The following PRICKLE2 variants were observed in gnomAD, a reference collection of about 807,000 sequenced individuals.
The protein encoded by PRICKLE2 is prickle-like protein 2.
A neutral mutation model predicts 81.4 loss-of-function variants in PRICKLE2; 21 were observed. The ratio of observed to expected loss-of-function variants is 0.26; its 90% confidence interval spans 0.18 to 0.37. The LOEUF is 0.37. PRICKLE2 is among the 10% of genes least tolerant of loss of function. PRICKLE2 has a pLI of 1.00. For missense variants in PRICKLE2, 940 were observed against 1,109.0 expected, an observed-to-expected ratio of 0.85 and a Z score of 2.16; for synonymous variants, 456 against 421.5, an observed-to-expected ratio of 1.08 and a Z score of -1.00.
At chr3:64,108,131 T>C (rs545557956) in intron 7 of PRICKLE2, among the ~76,000 whole-genome samples, 3 of 152,358 alleles carry the variant, frequency 2.0e-5, no homozygotes, top group Admixed American at 6.5e-5. Flanking sequence ...TTTCCAGATT[T>C]GGGGAGTTGT....
chr3:64,231,821 G>A (rs1004493874), intron 2 of PRICKLE2, among the ~76,000 whole-genome samples: 4 of 152,122 alleles, frequency 2.6e-5, no homozygotes, highest in South Asian at 2.1e-4. Context: ...AGATGAAGAT[G>A]CAGAGGTCCA....
At position 64,153,084 on chromosome 3, in the gene PRICKLE2, G is replaced by T. The variant is rs1472207704; in HGVS notation, c.787+98C>A. 6 of 1,141,482 alleles carry T rather than the reference G, an allele frequency of 5.3e-6. No homozygotes were observed. The African/African-American group carries it at 9.1e-5, about 17-fold the overall frequency. 70.7% of individuals were successfully genotyped at this position (1,141,482 alleles called of 1,614,324 possible). On this transcript the variant is annotated intron_variant, in intron 6 of 7. Transcript: ENST00000638394. ...TTTTCAGTTAAGTTAGCATGAGTTG[G>T]GTTTCTAACACTTGCAATCAAAGAT...
chr3:64,155,799 T>C (rs751715976), intron 5 of PRICKLE2, among the ~76,000 whole-genome samples: 5 of 152,192 alleles, frequency 3.3e-5, no homozygotes, highest in African/African-American at 7.2e-5. Context: ...ATTTCACTTA[T>C]ATGAAATGTC....
intron 7 of PRICKLE2, among the ~76,000 whole-genome samples, chr3:64,117,988 C>G (rs2076963885): frequency 6.6e-6 from 1 of 152,102 alleles, no homozygotes; most frequent in South Asian, 2.1e-4. Context: ...CAGGATGGTA[C>G]TGGTAGAAAA....
rs959303876 is a variant in PRICKLE2, at chr3:64,099,042, C to T, written c.*9G>A. On this transcript the variant is annotated 3_prime_UTR_variant, in exon 8 of 8. Coordinates refer to ENST00000638394, the MANE Select transcript of PRICKLE2 (RefSeq NM_198859.4). This position sits in a 1 kb window ranked among gnomAD's most constrained non-coding sequence, Gnocchi z 4.3. The stretch of plus-strand genomic sequence containing the variant: ...TCCCATCTTCTCCCATTCCCTGATC[C>T]CAATCATATTAAGAAATGATACAGT... 2.5e-6 allele frequency: 4 copies of T among 1,613,896 alleles called. No individual in the cohort carries two copies. Among genetic ancestry groups the T allele is most frequent in the East Asian group, 2.2e-5 (1 of 44,888 alleles).
At chr3:64,253,949 C>G (rs1047849428) in intron 2 of PRICKLE2, among the ~76,000 whole-genome samples, 1 of 152,144 alleles carries the variant, frequency 6.6e-6, no homozygotes, top group African/African-American at 2.4e-5. Flanking sequence ...TCTCTGAAAC[C>G]TCAACAAAGT....
At chr3:64,218,875 G>A (rs1008386493) in intron 1 of PRICKLE2, among the ~76,000 whole-genome samples, 32 of 152,030 alleles carry the variant, frequency 2.1e-4, no homozygotes, top group African/African-American at 6.8e-4. Flanking sequence ...TTTCAGCAAC[G>A]CCCCCAGGTA....
At position 64,147,691 on chromosome 3, in the gene PRICKLE2, C is replaced by A; in HGVS notation, c.799G>T (p.Gly267Cys). 6.2e-7 allele frequency: 1 copy of A among 1,613,694 alleles called. No homozygotes were observed. Among genetic ancestry groups the A allele is most frequent in the Non-Finnish European group, 8.5e-7 (1 of 1,180,028 alleles). Residue 267 changes from glycine (G) to cysteine (C), a missense_variant, in exon 7 of 8, where the codon GGT becomes TGT. Transcript: ENST00000638394. The surrounding 1 kb of genome is among the most constrained non-coding windows in gnomAD (Gnocchi z 5.0). Reference protein sequence around the residue: ...TCAQHIGIDQGQMTYDGQHWH... With the variant: ...TCAQHIGIDQCQMTYDGQHWH... ...TGTTGGCCATCATAGGTCATTTGAC[C>A]TTGGTCGATACCTAAAAAAATGAGA...
intron 7 of PRICKLE2, chr3:64,100,239 G>A: frequency 2.7e-6 from 1 of 366,648 alleles, no homozygotes; most frequent in Non-Finnish European, 5.0e-6. Context: ...TCCTCTATTT[G>A]GAGTTTCACT....
chr3:64,220,170 T>C (rs1342604924), intron 1 of PRICKLE2, among the ~76,000 whole-genome samples: 3 of 152,206 alleles, frequency 2.0e-5, no homozygotes, highest in Admixed American at 6.5e-5. Flanking sequence ...GGAACTTTCA[T>C]GAGCAGGCAT....
intron 1 of PRICKLE2, among the ~76,000 whole-genome samples, chr3:64,205,884 G>C (rs1173396816): frequency 6.6e-6 from 1 of 152,088 alleles, no homozygotes; most frequent in Non-Finnish European, 1.5e-5. Flanking sequence ...CCAAACTCCA[G>C]GCACATTCAT....
At chr3:64,265,711 C>G (rs1257027822) in intron 2 of PRICKLE2, among the ~76,000 whole-genome samples, 3 of 152,166 alleles carry the variant, frequency 2.0e-5, no homozygotes, top group Non-Finnish European at 2.9e-5. Context: ...CTGCAAACAG[C>G]TCCACAAAGA....
intron 7 of PRICKLE2, among the ~76,000 whole-genome samples, chr3:64,116,521 C>T (rs1397215538): frequency 6.6e-6 from 1 of 152,114 alleles, no homozygotes; most frequent in East Asian, 1.9e-4. Context: ...GATATTATCA[C>T]TTACCCTACA....
In PRICKLE2 at chr3:64,177,211, C is replaced by T. The variant is rs191891040; in HGVS notation, c.145-14082G>A. On this transcript the variant is annotated intron_variant, in intron 2 of 7. Coordinates refer to ENST00000638394, the MANE Select transcript of PRICKLE2 (RefSeq NM_198859.4). The stretch of plus-strand genomic sequence containing the variant: ...AATGCAATGGCGTGATCTCGGCTCA[C>T]TGCAACCTCCGTCTCCCGGGTTCAA... Among the ~76,000 whole-genome samples, 25 of 135,654 alleles carry T rather than the reference C, an allele frequency of 1.8e-4. No homozygotes were observed. In the East Asian group the frequency reaches 6.1e-3, roughly 33 times the overall value. 89.0% of individuals were successfully genotyped at this position (135,654 alleles called of 152,430 possible). A position where few individuals can be genotyped will look rare whatever the true frequency, so the allele number is the denominator to read the frequency against.
chr3:64,265,372 AT>A (rs2079685220), intron 2 of PRICKLE2, among the ~76,000 whole-genome samples: 1 of 152,294 alleles, frequency 6.6e-6, no homozygotes, highest in East Asian at 1.9e-4. Context: ...GCTAAAAAAA[AT>A]CATTCCCTCT....
chr3:64,247,503 G>A (rs540445940), intron 2 of PRICKLE2, among the ~76,000 whole-genome samples: 2 of 152,206 alleles, frequency 1.3e-5, no homozygotes, highest in African/African-American at 4.8e-5. Flanking sequence ...ATAATCTCCT[G>A]TATCTTACTG....
At chr3:64,125,676 A>T (rs932291408) in intron 7 of PRICKLE2, among the ~76,000 whole-genome samples, 3 of 152,244 alleles carry the variant, frequency 2.0e-5, no homozygotes, top group South Asian at 2.1e-4. Flanking sequence ...TAGACAGAAT[A>T]GTATCGCACA....
Position 64,093,425 on chromosome 3 carries a change from T to G in PRICKLE2, c.*5626A>C, listed in dbSNP as rs532505500. ...GTAGTAATTCTATTTTTAATTTTTT[T>G]TGAGGAACTGCCATACTGTTTTCCA... On this transcript the variant is annotated 3_prime_UTR_variant, in exon 8 of 8. Transcript: ENST00000638394. The G allele has an allele frequency of 1.3e-5, 2 of 152,392 alleles. No homozygotes were observed. The highest frequency in any genetic ancestry group is 3.9e-4 in the East Asian group (2 of 5,190). The allele number at this position is 152,392 out of a possible 1,614,324, so 9.4% of individuals were successfully genotyped here.
chr3:64,210,191 C>T (rs2078762541), intron 1 of PRICKLE2, among the ~76,000 whole-genome samples: 1 of 152,048 alleles, frequency 6.6e-6, no homozygotes, highest in African/African-American at 2.4e-5. Flanking sequence ...ACCCGTTTCT[C>T]CTTGGAATTT....
Sources: allele counts gnomAD v4.1 joint callset (sites outside exome capture counted in the v4.1 genomes callset), GRCh38; gene constraint gnomAD v4.1.1; non-coding constraint Gnocchi (gnomAD v3.1); transcripts MANE v1.5; gene names NCBI Gene and HGNC (gene_info 2026-07-23, HGNC 2026-07-21).